FAM180A: variants seen among roughly 807,000 people sequenced by gnomAD.
FAM180A encodes family with sequence similarity 180 member A, also known as protein FAM180A.
In FAM180A, 14 loss-of-function variants were observed where a neutral mutation model predicts 15.3. The observed-to-expected ratio is 0.92, with a 90% CI of 0.61 to 1.43. The LOEUF is 1.43. FAM180A is among the 40% of genes most tolerant of loss of function. The pLI is 0.00. For missense variants in FAM180A, 200 were observed against 220.8 expected (o/e 0.91, Z 0.60); for synonymous variants, 90 against 96.8 (o/e 0.93, Z 0.41).
intron 1 of FAM180A, among the ~76,000 whole-genome samples, chr7:135,739,310 CAAA>C (rs11383815): frequency 1.3e-5 from 1 of 76,594 alleles, no homozygotes; most frequent in Non-Finnish European, 2.5e-5. Flanking sequence ...GACTGCATCT[CAAA>C]AAAAAAAAAA....
rs373962083 is a variant in FAM180A at position 135,729,770 on chromosome 7, C to T, written c.*841G>A. The T allele has an allele frequency of 2.1e-4, 205 of 984,172 alleles. No homozygotes were observed. The African/African-American group carries it at 3.2e-3, about 15-fold the overall frequency. 61.0% of individuals were successfully genotyped at this position (984,172 alleles called of 1,614,324 possible). ...AATGCTCAAGAAATGTAAGCCAGAT[C>T]CCGCTTGTATGAGGTATCTTAAGTA... is the stretch of plus-strand genomic sequence containing the variant. On this transcript the variant is annotated 3_prime_UTR_variant, in exon 4 of 4. Transcript: ENST00000338588.
At chr7:135,742,061 G>T (rs1004593088) in intron 1 of FAM180A, among the ~76,000 whole-genome samples, 1 of 152,178 alleles carries the variant, frequency 6.6e-6, no homozygotes, top group Non-Finnish European at 1.5e-5. Context: ...TCACATTTCT[G>T]TGGCTGCTTT....
intron 1 of FAM180A, among the ~76,000 whole-genome samples, chr7:135,742,854 AC>A (rs1294942675): frequency 6.6e-6 from 1 of 152,158 alleles, no homozygotes; most frequent in African/African-American, 2.4e-5. Context: ...AGATGAAGAA[AC>A]TTGGAGGTTA....
In FAM180A at chr7:135,733,991, G is replaced by A. The variant is rs558918890; in HGVS notation, c.506C>T (p.Pro169Leu). The change falls in exon 3 of 4, where the codon CCG becomes CTG. Residue 169 changes from proline (P) to leucine (L), a missense_variant. Physicochemically the swap from Pro to Leu is moderately conservative, Grantham distance 98. Coordinates refer to ENST00000338588, the MANE Select transcript of FAM180A (RefSeq NM_205855.4). ...GCCAGTCTCTCAGGGAGGTACTCCC[G>A]GCTGTGAGGAGCGCATCAAGTCGTG... ...LRHDLMRSSQ[P>L]GVPP The A allele has an allele frequency of 3.4e-5, 55 of 1,605,846 alleles. No homozygotes were observed. In the African/African-American group the frequency reaches 5.3e-4, roughly 16 times the overall value.
At chr7:135,735,108 G>T (rs905590804) in intron 2 of FAM180A, among the ~76,000 whole-genome samples, 4 of 152,122 alleles carry the variant, frequency 2.6e-5, no homozygotes, top group South Asian at 2.1e-4. Flanking sequence ...TCACCATGTT[G>T]GTCCGGCTGG....
intron 1 of FAM180A, among the ~76,000 whole-genome samples, chr7:135,745,686 T>G (rs758186498): frequency 6.6e-6 from 1 of 151,428 alleles, no homozygotes; most frequent in Non-Finnish European, 1.5e-5. Flanking sequence ...AAGACAGTGC[T>G]AACAACAAGG....
chr7:135,731,347 C>G, intron 3 of FAM180A, among the ~76,000 whole-genome samples: 1 of 151,998 alleles, frequency 6.6e-6, no homozygotes, highest in East Asian at 1.9e-4. Context: ...CCAACGCTGT[C>G]TGTACACTGA....
At chr7:135,732,112 T>A (rs62489531) in intron 3 of FAM180A, among the ~76,000 whole-genome samples, 1 of 152,188 alleles carries the variant, frequency 6.6e-6, no homozygotes, top group African/African-American at 2.4e-5. Context: ...GCTATCGTAG[T>A]TTGTAGGCAA....
chr7:135,734,265 C>A lies in FAM180A; in HGVS notation c.232G>T (p.Glu78Ter). The change falls in exon 3 of 4, where the codon GAG becomes TAG. Residue 78 changes from glutamate to a stop codon, truncating the protein, a stop_gained. Coordinates refer to ENST00000338588, the MANE Select transcript of FAM180A (RefSeq NM_205855.4). LOFTEE classifies it high-confidence loss of function. Reference sequence around the variant, plus strand: ...GCCTTCCGCAAGGAGGCCAGCTCCTCGTCCTTGATGGAGATCTGCAGGTCA... The same window carrying A: ...GCCTTCCGCAAGGAGGCCAGCTCCTAGTCCTTGATGGAGATCTGCAGGTCA... ...SPDLQISIKDEELASLRKASD... is the reference protein window; with the variant it reads ...SPDLQISIKD 1 of 1,613,736 alleles carries A rather than the reference C, an allele frequency of 6.2e-7. No homozygotes were observed. Among genetic ancestry groups the A allele is most frequent in the Non-Finnish European group, 8.5e-7 (1 of 1,179,770 alleles).
rs557211636 is a variant in FAM180A, at chr7:135,731,089, C to A, written c.*330-808G>T. ...ATGGATTTCTTACTACTGGGAGCAG[C>A]CATCTACATAACATGGTGGTCAGGG... is the stretch of plus-strand genomic sequence containing the variant. On this transcript the variant is annotated intron_variant, in intron 3 of 3. Coordinates refer to ENST00000338588, the MANE Select transcript of FAM180A (RefSeq NM_205855.4). Among the ~76,000 whole-genome samples, 3 of 152,124 alleles carry A rather than the reference C, an allele frequency of 2.0e-5. 1 individual carries two copies. The highest frequency in any genetic ancestry group is 7.2e-5 in the African/African-American group (3 of 41,494).
intron 1 of FAM180A, among the ~76,000 whole-genome samples, chr7:135,744,212 TTTC>T (rs1796996662): frequency 6.6e-6 from 1 of 152,204 alleles, no homozygotes; most frequent in Non-Finnish European, 1.5e-5. Context: ...TAAAAGTCTC[TTTC>T]TTCTTCTTTC....
At chr7:135,737,444 G>A (rs1181673089) in intron 1 of FAM180A, among the ~76,000 whole-genome samples, 2 of 151,814 alleles carry the variant, frequency 1.3e-5, no homozygotes, top group Admixed American at 6.6e-5. Flanking sequence ...AAAAACAGCC[G>A]GGCATGGTGG....
chr7:135,748,171 C>T (rs940376771), intron 1 of FAM180A, among the ~76,000 whole-genome samples: 5 of 152,218 alleles, frequency 3.3e-5, no homozygotes, highest in South Asian at 2.1e-4. Flanking sequence ...GCTCTCCAGA[C>T]GGTCTGGCCC....
At chr7:135,736,761 C>A (rs926734888) in intron 2 of FAM180A, among the ~76,000 whole-genome samples, 1 of 152,192 alleles carries the variant, frequency 6.6e-6, no homozygotes, top group Non-Finnish European at 1.5e-5. Context: ...CATTTCCTGG[C>A]AAGTCCTGCC....
At chr7:135,736,030 T>C (rs554269992) in intron 2 of FAM180A, among the ~76,000 whole-genome samples, 303 of 150,978 alleles carry the variant, frequency 2.0e-3, no homozygotes, top group Middle Eastern at 6.8e-3. Context: ...TCTTTTTTTT[T>C]TTTTCTTTTT....
At position 135,729,860 on chromosome 7, in the gene FAM180A, G is replaced by A. The variant is rs1796756281; in HGVS notation, c.*751C>T. ...AGAGCTGGGGCAGGCAGGGGGAAGG[G>A]GAAAAGAGGAGTTGTTCGGTGGGTA... On this transcript the variant is annotated 3_prime_UTR_variant, in exon 4 of 4. Transcript: ENST00000338588. 17 of 763,096 alleles carry A rather than the reference G, an allele frequency of 2.2e-5. No individual in the cohort carries two copies. Among genetic ancestry groups the A allele is most frequent in the Non-Finnish European group, 2.7e-5 (17 of 627,304 alleles). 47.3% of individuals were successfully genotyped at this position (763,096 alleles called of 1,614,324 possible). A position where few individuals can be genotyped will look rare whatever the true frequency, so the allele number is the denominator to read the frequency against.
rs1251013854 is a variant in FAM180A at position 135,734,343 on chromosome 7, A to C, written c.178-24T>G. On this transcript the variant is annotated intron_variant, in intron 2 of 3. Coordinates refer to ENST00000338588, the MANE Select transcript of FAM180A (RefSeq NM_205855.4). ...AACTGGTGAGAAATGTGGATGTGCA[A>C]AAATATGAAGTGAGGCATTGCTGAG... 2.6e-6 allele frequency: 4 copies of C among 1,562,344 alleles called. No individual in the cohort carries two copies. In the African/African-American group the frequency reaches 4.1e-5, roughly 16 times the overall value.
chr7:135,738,890 C>T (rs1027092209), intron 1 of FAM180A, among the ~76,000 whole-genome samples: 6 of 152,204 alleles, frequency 3.9e-5, no homozygotes, highest in Non-Finnish European at 8.8e-5. Context: ...TTGGAGACTA[C>T]AAGGTGTTGG....
chr7:135,745,743 G>GA (rs1002282633), intron 1 of FAM180A, among the ~76,000 whole-genome samples: 1 of 151,848 alleles, frequency 6.6e-6, no homozygotes, highest in Non-Finnish European at 1.5e-5. Flanking sequence ...TTTGGAGCAG[G>GA]AGGGTGGGAG....
Sources: allele counts gnomAD v4.1 joint callset (sites outside exome capture counted in the v4.1 genomes callset), GRCh38; gene constraint gnomAD v4.1.1; transcripts MANE v1.5; gene names NCBI Gene and HGNC (gene_info 2026-07-23, HGNC 2026-07-21).